The following WDR43 variants were observed in gnomAD, a reference collection of about 807,000 sequenced individuals.
WDR43 encodes the protein WD repeat-containing protein 43.
Under a neutral mutation model 91.4 loss-of-function variants are expected in WDR43, and 13 were observed. The ratio of observed to expected loss-of-function variants is 0.14; its 90% CI spans 0.09 to 0.23. The LOEUF (loss-of-function observed/expected upper bound fraction) is 0.23, where lower values mean the gene tolerates loss of function less well. Among genes scored for constraint, WDR43 ranks in the 10% least tolerant of loss-of-function variants. The pLI is 1.00. For missense variants in WDR43, 780 were observed against 809.4 expected, an observed-to-expected ratio of 0.96 and a Z score of 0.44; for synonymous variants, 331 against 287.9, an observed-to-expected ratio of 1.15 and a Z score of -1.51.
At chr2:28,900,873 T>A (rs1670567477) in intron 1 of WDR43, among the ~76,000 whole-genome samples, 1 of 152,224 alleles carries the variant, frequency 6.6e-6, no homozygotes, top group South Asian at 2.1e-4. Context: ...GCATTTCATC[T>A]GTGTCCAATG....
rs766151169 is a variant in WDR43 at position 28,918,826 on chromosome 2, T to G, written c.849+831T>G. 7.2e-5 allele frequency among the ~76,000 whole-genome samples: 11 copies of G among 152,232 alleles called. No individual in the cohort carries two copies. The South Asian group carries it at 1.0e-3, about 14-fold the overall frequency. ...TGTTTAACTGAAGCTTTGCAGGATT[T>G]TGATTTGCACAGAATCCCACGTTTC... On this transcript the variant is annotated intron_variant, in intron 6 of 17. Transcript: ENST00000407426.
rs775654428 is a variant in WDR43 at position 28,936,894 on chromosome 2, T to G, written c.1525-28T>G. The G allele has an allele frequency of 1.9e-6, 3 of 1,561,372 alleles. No individual in the cohort carries two copies. The South Asian group carries it at 3.5e-5, about 18-fold the overall frequency. On this transcript the variant is annotated intron_variant, in intron 12 of 17. Transcript: ENST00000407426. ...AGCATTGGTTGCCTCTGAAGTGCTGTTGTTAATAGTGTTTTTCTCTCCCTT... is the reference window on the plus strand; with the variant it reads ...AGCATTGGTTGCCTCTGAAGTGCTGGTGTTAATAGTGTTTTTCTCTCCCTT...
Position 28,894,832 on chromosome 2 carries a change from A to C in WDR43, c.134A>C (p.Asn45Thr). ...DGHLRVWETA[N>T]NRLHQEYVPS... ...CACTTACGAGTATGGGAGACGGCCAACAACCGGCTGCACCAGGAGTACGTG... is the reference window on the plus strand; with the variant it reads ...CACTTACGAGTATGGGAGACGGCCACCAACCGGCTGCACCAGGAGTACGTG... The change falls in exon 1 of 18, where the codon AAC (asparagine) becomes ACC (threonine). Residue 45 changes from asparagine (N) to threonine (T), a missense_variant. By Grantham distance (65) the Asn-to-Thr change is moderately conservative. Transcript: ENST00000407426. 6.2e-7 allele frequency: 1 copy of C among 1,611,372 alleles called. No homozygotes were observed. Among genetic ancestry groups the C allele is most frequent in the Non-Finnish European group, 8.5e-7 (1 of 1,178,886 alleles).
At chr2:28,916,845 C>T (rs1445789078) in intron 5 of WDR43, among the ~76,000 whole-genome samples, 1 of 151,920 alleles carries the variant, frequency 6.6e-6, no homozygotes, top group Non-Finnish European at 1.5e-5. Context: ...CAGCTTGTAA[C>T]ATTTTTGTCA....
rs574347497 is a variant in WDR43, at chr2:28,908,918, T to A, written c.485+2337T>A. On this transcript the variant is annotated intron_variant, in intron 3 of 17. Coordinates refer to ENST00000407426, the MANE Select transcript of WDR43 (RefSeq NM_015131.3). ...TTATTGTTACAGCTGAGCCTTAGAC[T>A]TTCCTATGTTTAATATTTTTTTTTG... 3.6e-4 allele frequency among the ~76,000 whole-genome samples: 55 copies of A among 152,290 alleles called. No homozygotes were observed. In the South Asian group the frequency reaches 0.011, roughly 30 times the overall value.
chr2:28,922,823 G>GGTTTTT, intron 6 of WDR43, 96 bp from the exon 7 acceptor site: 1 of 448,552 alleles, frequency 2.2e-6, no homozygotes, highest in Non-Finnish European at 3.6e-6. Flanking sequence ...TTCTGGTTGT[G>GGTTTTT]TAATGGGGTG....
At chr2:28,903,168 A>G (rs6711614) in intron 2 of WDR43, among the ~76,000 whole-genome samples, 3,951 of 152,248 alleles carry the variant, frequency 0.026, 201 homozygotes, top group African/African-American at 0.091. Context: ...AACTGGTTAT[A>G]GAGATTTTTA....
At chr2:28,909,024 A>G (rs1670739352) in intron 3 of WDR43, among the ~76,000 whole-genome samples, 1 of 152,140 alleles carries the variant, frequency 6.6e-6, no homozygotes, top group South Asian at 2.1e-4. Context: ...TATTAGTGGT[A>G]TAAATCTTCT....
chr2:28,931,744 T>C (rs977872788), intron 11 of WDR43, among the ~76,000 whole-genome samples: 5 of 152,098 alleles, frequency 3.3e-5, no homozygotes, highest in Non-Finnish European at 7.4e-5. Flanking sequence ...TAAAATGCTG[T>C]TTATGAAAAC....
chr2:28,920,728 G>A (rs1354381827), intron 6 of WDR43, among the ~76,000 whole-genome samples: 1 of 152,144 alleles, frequency 6.6e-6, no homozygotes, highest in South Asian at 2.1e-4. Flanking sequence ...CCAGGCTGGA[G>A]TGCAGTGGTG....
chr2:28,944,603 A>C (rs923563075), intron 16 of WDR43, among the ~76,000 whole-genome samples: 4 of 152,254 alleles, frequency 2.6e-5, no homozygotes, highest in Non-Finnish European at 4.4e-5. Context: ...TTCCTTTAGC[A>C]TAACACTACA....
In WDR43 at chr2:28,940,722, C is replaced by A. The variant is rs1671419800; in HGVS notation, c.1621-739C>A. Reference sequence around the variant, plus strand: ...AATTATGGCCATCATGGTTTCCTTTCATATTGTTAAAAATGATCAAGGGGA... The same window carrying A: ...AATTATGGCCATCATGGTTTCCTTTAATATTGTTAAAAATGATCAAGGGGA... On this transcript the variant is annotated intron_variant, in intron 14 of 17. Coordinates refer to ENST00000407426, the MANE Select transcript of WDR43 (RefSeq NM_015131.3). Among the ~76,000 whole-genome samples the A allele has an allele frequency of 3.9e-5, 6 of 152,078 alleles. No individual in the cohort carries two copies. In the South Asian group the frequency reaches 1.2e-3, roughly 32 times the overall value.
chr2:28,945,909 C>T (rs1165552393), intron 16 of WDR43, among the ~76,000 whole-genome samples: 2 of 152,086 alleles, frequency 1.3e-5, no homozygotes, highest in East Asian at 3.8e-4. Context: ...AATTTTTCCT[C>T]ATCCACTGGG....
In WDR43 at chr2:28,900,794, A is replaced by G. The variant is rs534801718; in HGVS notation, c.226-1193A>G. On this transcript the variant is annotated intron_variant, in intron 1 of 17. Coordinates refer to ENST00000407426, the MANE Select transcript of WDR43 (RefSeq NM_015131.3). ...GTACATTTCTAAGGACTTGCAAGAT[A>G]TATTTCTAAGGACTTGCAAGATGTG... 1.3e-4 allele frequency among the ~76,000 whole-genome samples: 20 copies of G among 151,638 alleles called. 1 individual carries two copies. The Middle Eastern group carries it at 0.01, about 77-fold the overall frequency.
rs768880676 is a variant in WDR43 at position 28,914,088 on chromosome 2, C to T, written c.626C>T (p.Thr209Met). Residue 209 changes from threonine to methionine, a missense_variant, in exon 5 of 18, where the codon ACG becomes ATG. By Grantham distance (81) the Thr-to-Met change is moderately conservative. Coordinates refer to ENST00000407426, the MANE Select transcript of WDR43 (RefSeq NM_015131.3). ...CTCTAGCATTTCACAGGACATGCAA[C>T]GCCAGTTTCGTCACTGATGTTCACT... ...EVYRHFTGHA[T>M]PVSSLMFTTI... is the part of the protein sequence containing the mutation. 1.7e-5 allele frequency: 28 copies of T among 1,613,636 alleles called. No individual in the cohort carries two copies. Among genetic ancestry groups the T allele is most frequent in the African/African-American group, 1.1e-4 (8 of 74,912 alleles).
intron 8 of WDR43, among the ~76,000 whole-genome samples, chr2:28,925,377 C>T (rs1256059207): frequency 1.3e-5 from 2 of 152,150 alleles, no homozygotes; most frequent in Non-Finnish European, 2.9e-5. Context: ...TATATCAGCC[C>T]TCTCCCTTGG....
In WDR43 at chr2:28,930,358, G is replaced by A. The variant is rs564588411; in HGVS notation, c.1437+648G>A. On this transcript the variant is annotated intron_variant, in intron 11 of 17. Coordinates refer to ENST00000407426, the MANE Select transcript of WDR43 (RefSeq NM_015131.3). ...AGAATATTTAAGTGAAAAACAGTTC[G>A]ATTCAAGTACTGCCTGATCAGATTA... Among the ~76,000 whole-genome samples, 477 of 152,270 alleles carry A rather than the reference G, an allele frequency of 3.1e-3. 1 individual carries two copies. Among genetic ancestry groups the A allele is most frequent in the African/African-American group, 0.01 (434 of 41,546 alleles).
chr2:28,906,192 A>G (rs765954838), intron 2 of WDR43, among the ~76,000 whole-genome samples: 37 of 152,156 alleles, frequency 2.4e-4, no homozygotes, highest in Non-Finnish European at 5.0e-4. Context: ...CTACCTCTAC[A>G]TATTATTAAC....
chr2:28,942,784 T>G lies in WDR43; in HGVS notation c.1804+403T>G, dbSNP rs72786109. On this transcript the variant is annotated intron_variant, in intron 16 of 17. Coordinates refer to ENST00000407426, the MANE Select transcript of WDR43 (RefSeq NM_015131.3). ...GCGTGCACCACCATGCCCGGCCAAC[T>G]TTGGTATTTTTTTGTAAAGACAGAG... Among the ~76,000 whole-genome samples the G allele has an allele frequency of 6.3e-3, 962 of 152,042 alleles. 4 individuals carry two copies. Among genetic ancestry groups the G allele is most frequent in the Non-Finnish European group, 0.011 (730 of 67,962 alleles).
Sources: gnomAD v4.1 joint callset for allele counts (sites outside exome capture counted in the v4.1 genomes callset) on GRCh38, gnomAD v4.1.1 for gene constraint, MANE v1.5 for transcripts, NCBI Gene and HGNC (gene_info 2026-07-23, HGNC 2026-07-21) for gene names.